The following STAU2 variants were observed in gnomAD, a reference collection of about 807,000 sequenced individuals.
STAU2 encodes the protein staufen double-stranded RNA binding protein 2.
STAU2 carries 20 observed loss-of-function variants against 65.9 expected under a neutral mutation model. That is an observed-to-expected ratio of 0.30 (90% CI 0.21 to 0.44). The LOEUF (loss-of-function observed/expected upper bound fraction) is 0.44, where lower values mean the gene tolerates loss of function less well. STAU2 is among the 20% of genes least tolerant of loss of function. STAU2 has a pLI of 1.00. For missense variants in STAU2, 558 were observed against 683.9 expected, an observed-to-expected ratio of 0.82 and a Z score of 2.05; for synonymous variants, 232 against 233.9, an observed-to-expected ratio of 0.99 and a Z score of 0.07.
intron 13 of STAU2, among the ~76,000 whole-genome samples, chr8:73,513,899 G>A (rs1822557128): frequency 6.6e-6 from 1 of 152,134 alleles, no homozygotes; most frequent in South Asian, 2.1e-4. Flanking sequence ...CTGCAGGTGG[G>A]GGATGGGAGC....
Position 73,622,133 on chromosome 8 carries a change from T to A in STAU2, c.411-4682A>T, listed in dbSNP as rs867695350. Among the ~76,000 whole-genome samples the A allele has an allele frequency of 7.6e-3, 401 of 52,552 alleles. 17 individuals are homozygous for A. Among genetic ancestry groups the A allele is most frequent in the East Asian group, 0.021 (23 of 1,114 alleles). 34.5% of individuals were successfully genotyped at this position (52,552 alleles called of 152,430 possible). A position where few individuals can be genotyped will look rare whatever the true frequency, so the allele number is the denominator to read the frequency against. The stretch of plus-strand genomic sequence containing the variant: ...CACCATGCCCAGCTAATTTTTTTTT[T>A]TTTTTTTTTTTTGAGACGGAGTCTC... On this transcript the variant is annotated intron_variant, in intron 6 of 14. Transcript: ENST00000524300.
At chr8:73,654,722 T>C (rs1423325936) in intron 6 of STAU2, among the ~76,000 whole-genome samples, 1 of 124,800 alleles carries the variant, frequency 8.0e-6, no homozygotes, top group African/African-American at 3.0e-5. Flanking sequence ...AGTTTCGCTC[T>C]GTCGCCCAGG....
chr8:73,640,496 G>A (rs571254830), intron 6 of STAU2, among the ~76,000 whole-genome samples: 1 of 152,128 alleles, frequency 6.6e-6, no homozygotes, highest in Non-Finnish European at 1.5e-5. Flanking sequence ...CAGGCCATAA[G>A]GTTTCTAACA....
intron 13 of STAU2, among the ~76,000 whole-genome samples, chr8:73,480,125 A>C (rs1820531905): frequency 6.6e-6 from 1 of 152,124 alleles, no homozygotes. Context: ...TGGCAGTCAA[A>C]GACTAATATA....
chr8:73,688,914 G>C (rs1220456426), intron 4 of STAU2, 101 bp from the exon 5 acceptor site: 1 of 1,390,130 alleles, frequency 7.2e-7, no homozygotes, highest in Non-Finnish European at 9.8e-7. Context: ...CAGAATTTTA[G>C]AGCTAGAGGT....
intron 13 of STAU2, among the ~76,000 whole-genome samples, chr8:73,451,573 C>T (rs538391900): frequency 2.6e-5 from 4 of 151,612 alleles, no homozygotes; most frequent in African/African-American, 4.9e-5. Flanking sequence ...ACCCACCCCC[C>T]GCAACTAGAT....
At chr8:73,508,201 T>G (rs1822177548) in intron 13 of STAU2, among the ~76,000 whole-genome samples, 1 of 152,234 alleles carries the variant, frequency 6.6e-6, no homozygotes, top group African/African-American at 2.4e-5. Context: ...TTGGCCCCTC[T>G]CAGCTTATGA....
chr8:73,729,349 A>G (rs539717089), intron 3 of STAU2, among the ~76,000 whole-genome samples: 134 of 152,246 alleles, frequency 8.8e-4, no homozygotes, highest in African/African-American at 3.2e-3. Flanking sequence ...ATTAATAAGG[A>G]ATATTGGTCT....
chr8:73,697,425 T>C (rs917985908), intron 4 of STAU2: 2 of 152,168 alleles, frequency 1.3e-5, no homozygotes, highest in Non-Finnish European at 2.9e-5. Flanking sequence ...CAAGAAATCC[T>C]GAAGGGAGTT....
chr8:73,606,187 C>T (rs1197464159), intron 9 of STAU2, among the ~76,000 whole-genome samples: 3 of 151,604 alleles, frequency 2.0e-5, no homozygotes, highest in Non-Finnish European at 4.4e-5. Flanking sequence ...ACCAAAATCA[C>T]GTTCCATGTA....
intron 13 of STAU2, among the ~76,000 whole-genome samples, chr8:73,539,361 A>G (rs751181232): frequency 1.5e-4 from 23 of 152,212 alleles, no homozygotes; most frequent in Non-Finnish European, 3.1e-4. Context: ...TATGCTAACT[A>G]TATTTGAGCA....
intron 12 of STAU2, among the ~76,000 whole-genome samples, chr8:73,572,769 T>C (rs2128956651): frequency 6.6e-6 from 1 of 152,312 alleles, no homozygotes; most frequent in East Asian, 1.9e-4. Flanking sequence ...GAGCTATTTA[T>C]GACAAACCCA....
At chr8:73,570,346 T>C (rs1342699090) in intron 12 of STAU2, among the ~76,000 whole-genome samples, 1 of 152,178 alleles carries the variant, frequency 6.6e-6, no homozygotes, top group Non-Finnish European at 1.5e-5. Context: ...TTGGTGTACC[T>C]GAAAGTGACG....
At chr8:73,664,970 C>A (rs979966351) in intron 6 of STAU2, among the ~76,000 whole-genome samples, 1 of 152,056 alleles carries the variant, frequency 6.6e-6, no homozygotes, top group Non-Finnish European at 1.5e-5. Flanking sequence ...CCAGCCTGGG[C>A]AACAGAGCAA....
chr8:73,429,448 T>G (rs1047046346), intron 13 of STAU2, among the ~76,000 whole-genome samples: 9 of 139,050 alleles, frequency 6.5e-5, no homozygotes, highest in Non-Finnish European at 7.7e-5. Context: ...TTTTTTTTTT[T>G]TTGAGGCAAA....
At chr8:73,613,548 T>C (rs1295085120) in intron 9 of STAU2, among the ~76,000 whole-genome samples, 196 bp downstream of exon 9, 4 of 152,210 alleles carry the variant, frequency 2.6e-5, no homozygotes, top group East Asian at 1.9e-4. Flanking sequence ...GATTATTTGA[T>C]GTACAAATGC....
At position 73,552,178 on chromosome 8, in the gene STAU2, G is replaced by C. The variant is rs377256202; in HGVS notation, c.1364C>G (p.Ser455Cys). 6.2e-7 allele frequency: 1 copy of C among 1,613,870 alleles called. No individual in the cohort carries two copies. Among genetic ancestry groups the C allele is most frequent in the Non-Finnish European group, 8.5e-7 (1 of 1,179,900 alleles). ...NQPSSSFFSISPTSNSSATIA... is the reference protein window; with the variant it reads ...NQPSSSFFSICPTSNSSATIA... ...TGTAGCTGAACTATTCGATGTGGGA[G>C]ATATACTGAAGAAAGAGCTTGAAGG... Residue 455 changes from serine (S) to cysteine (C), a missense_variant, in exon 13 of 15, where the codon TCT becomes TGT. Coordinates refer to ENST00000524300, the MANE Select transcript of STAU2 (RefSeq NM_001164380.2).
intron 13 of STAU2, among the ~76,000 whole-genome samples, chr8:73,469,095 C>A (rs1386457619): frequency 2.0e-5 from 3 of 152,108 alleles, no homozygotes; most frequent in African/African-American, 7.2e-5. Flanking sequence ...GAAAATGTGG[C>A]ACACATACAC....
Position 73,528,923 on chromosome 8 carries a change from T to C in STAU2, c.1530+23089A>G, listed in dbSNP as rs899499953. ...ATGGATCTGACTGAAAATTACAATA[T>C]GAGCCCTAGTCTAATGGCTTAATAA... On this transcript the variant is annotated intron_variant, in intron 13 of 14. Coordinates refer to ENST00000524300, the MANE Select transcript of STAU2 (RefSeq NM_001164380.2). Among the ~76,000 whole-genome samples the C allele has an allele frequency of 1.1e-4, 16 of 152,106 alleles. 1 individual carries two copies. The highest frequency in any genetic ancestry group is 1.0e-3 in the Admixed American group (16 of 15,254).
Sources: gnomAD v4.1 joint callset for allele counts (sites outside exome capture counted in the v4.1 genomes callset) on GRCh38, gnomAD v4.1.1 for gene constraint, MANE v1.5 for transcripts, NCBI Gene and HGNC (gene_info 2026-07-23, HGNC 2026-07-21) for gene names.